CCDC110: variants seen among roughly 807,000 people sequenced by gnomAD.
The protein encoded by CCDC110 is coiled-coil domain containing 110.
In CCDC110, 70 loss-of-function variants were observed where a neutral mutation model predicts 77.1. That is an observed-to-expected ratio of 0.91 (90% CI 0.75 to 1.11). The LOEUF is 1.11. Among genes scored for constraint, CCDC110 ranks in the 50% least tolerant of loss-of-function variants. The probability of loss-of-function intolerance (pLI) is 0.00; values close to 1 mark genes in which losing one functional copy is unlikely to be tolerated. For missense variants in CCDC110, 868 were observed against 942.9 expected, an observed-to-expected ratio of 0.92 and a Z score of 1.04; for synonymous variants, 295 against 312.5, an observed-to-expected ratio of 0.94 and a Z score of 0.59.
chr4:185,465,321 C>G (rs1335345557), intron 2 of CCDC110, among the ~76,000 whole-genome samples: 1 of 151,990 alleles, frequency 6.6e-6, no homozygotes, highest in African/African-American at 2.4e-5. Context: ...TAGCTAAAAC[C>G]AAATAAGAAA....
chr4:185,457,356 A>G (rs547074747), intron 6 of CCDC110: 6 of 455,634 alleles, frequency 1.3e-5, no homozygotes, highest in Admixed American at 7.1e-5. Flanking sequence ...GCATCTTACT[A>G]TCCGTTATAA....
Position 185,458,944 on chromosome 4 carries a change from CT to C in CCDC110, c.1642del (p.Ser548ValfsTer13). ...QMMEALDQLK[S>X]KEHKTQSDMA... Reference sequence around the variant, plus strand: ...ATCACTTTGAGTTTTGTGTTCCTTACTTTTTAGTTGATCTAATGCTTCCATC... The same window carrying C: ...ATCACTTTGAGTTTTGTGTTCCTTACTTTTAGTTGATCTAATGCTTCCATC... On this transcript the variant is annotated frameshift_variant, in exon 6 of 7. Coordinates refer to ENST00000307588, the MANE Select transcript of CCDC110 (RefSeq NM_152775.4). LOFTEE classifies it high-confidence loss of function. 1 of 1,608,042 alleles carries C rather than the reference CT, an allele frequency of 6.2e-7. No individual in the cohort carries two copies.
Position 185,458,751 on chromosome 4 carries a change from C to T in CCDC110, c.1836G>A (p.Glu612=), listed in dbSNP as rs1488606803. Residue 612 remains glutamate, a synonymous_variant, in exon 6 of 7, where the codon GAG becomes GAA. Transcript: ENST00000307588. The part of the protein sequence containing the change: ...LGNELKESQL[E]IIQLKEKERL... Reference sequence around the variant, plus strand: ...TTTCTTTCTCTTTTAGCTGGATTATCTCTAGCTGGCTTTCTTTTAGTTCAT... The same window carrying T: ...TTTCTTTCTCTTTTAGCTGGATTATTTCTAGCTGGCTTTCTTTTAGTTCAT... 1 of 1,610,210 alleles carries T rather than the reference C, an allele frequency of 6.2e-7. No homozygotes were observed. Among genetic ancestry groups the T allele is most frequent in the East Asian group, 2.2e-5 (1 of 44,734 alleles).
At position 185,463,926 on chromosome 4, in the gene CCDC110, A is replaced by G. The variant is rs535752931; in HGVS notation, c.116-877T>C. ...CTTGGCGACTCCGATACTAAGATAC[A>G]GTAGACAGAAGTACTCCAGCTTCTT... On this transcript the variant is annotated intron_variant, in intron 2 of 6. Coordinates refer to ENST00000307588, the MANE Select transcript of CCDC110 (RefSeq NM_152775.4). Among the ~76,000 whole-genome samples the G allele has an allele frequency of 3.2e-4, 48 of 152,268 alleles. 2 individuals carry two copies. In the South Asian group the frequency reaches 9.5e-3, roughly 30 times the overall value.
chr4:185,455,945 A>T (rs1469456641), intron 6 of CCDC110, among the ~76,000 whole-genome samples: 1 of 152,164 alleles, frequency 6.6e-6, no homozygotes, highest in Non-Finnish European at 1.5e-5. Flanking sequence ...ACAAATTTAT[A>T]GAATGAACAA....
chr4:185,463,839 C>T (rs1267536067), intron 2 of CCDC110, among the ~76,000 whole-genome samples: 1 of 152,202 alleles, frequency 6.6e-6, no homozygotes, highest in Admixed American at 6.5e-5. Context: ...GCTGATCTTG[C>T]TCCGTCTCTT....
chr4:185,449,975 T>C (rs1045443405), intron 6 of CCDC110: 1 of 203,156 alleles, frequency 4.9e-6, no homozygotes, highest in African/African-American at 2.3e-5. Flanking sequence ...CGGAAGAGAC[T>C]GCTGGAAGGG....
chr4:185,458,367 A>G lies in CCDC110; in HGVS notation c.2220T>C (p.Thr740=). 6.3e-7 allele frequency: 1 copy of G among 1,590,480 alleles called. No individual in the cohort carries two copies. Among genetic ancestry groups the G allele is most frequent in the Non-Finnish European group, 8.5e-7 (1 of 1,171,888 alleles). ...IKFENSISRL[T]EDKILLENYV... ...AATTTTCTAAAAGTATTTTGTCTTC[A>G]GTAAGTCTACTGATGCTGTTTTCAA... is the stretch of plus-strand genomic sequence containing the variant. The change falls in exon 6 of 7, where the codon ACT becomes ACC. Residue 740 remains threonine (T), a synonymous_variant. Transcript: ENST00000307588.
At chr4:185,457,068 C>G in intron 6 of CCDC110, 1 of 337,450 alleles carries the variant, frequency 3.0e-6, no homozygotes, top group South Asian at 2.4e-5. Flanking sequence ...TACAACATCA[C>G]CCAGTGGAGT....
chr4:185,451,461 A>C (rs2095629119), intron 6 of CCDC110, among the ~76,000 whole-genome samples: 1 of 152,202 alleles, frequency 6.6e-6, no homozygotes, highest in Non-Finnish European at 1.5e-5. Context: ...GATGGTACAG[A>C]TAATTTTTAC....
Position 185,459,076 on chromosome 4 carries a change from C to A in CCDC110, c.1511G>T (p.Cys504Phe). Residue 504 changes from cysteine to phenylalanine, a missense_variant, in exon 6 of 7, where the codon TGT becomes TTT. By Grantham distance (205) the Cys-to-Phe change is radical. Transcript: ENST00000307588. ...AATTATTTTTTTAAATTCTTTAAGA[C>A]ACTCTTTGCTGTATTCTTCTGTTTT... is the stretch of plus-strand genomic sequence containing the variant. ...LSKTEEYSKE[C>F]LKEFKKIISK... 1 of 1,573,622 alleles carries A rather than the reference C, an allele frequency of 6.4e-7. No individual in the cohort carries two copies.
At position 185,460,176 on chromosome 4, in the gene CCDC110, CTTGGAATCCTCA is replaced by C; in HGVS notation, c.399_410del (p.Phe133_Lys137delinsLeu). The C allele has an allele frequency of 6.2e-7, 1 of 1,611,510 alleles. No homozygotes were observed. Among genetic ancestry groups the C allele is most frequent in the Non-Finnish European group, 8.5e-7 (1 of 1,179,780 alleles). ...ATTTTTCTTCCACTGAATGAAGTGT[CTTGGAATCCTCA>C]AAATGATGACTTTTCTCCATAGAAA... On this transcript the variant is annotated inframe_deletion, in exon 6 of 7. Coordinates refer to ENST00000307588, the MANE Select transcript of CCDC110 (RefSeq NM_152775.4).
chr4:185,462,770 G>T, intron 3 of CCDC110, 62 bp from the exon 4 acceptor site: 2 of 1,410,732 alleles, frequency 1.4e-6, no homozygotes, highest in Non-Finnish European at 2.0e-6. Context: ...TTCTTGAATT[G>T]TTATGATTTT....
intron 6 of CCDC110, among the ~76,000 whole-genome samples, chr4:185,455,485 A>G (rs968564975): frequency 6.6e-6 from 1 of 152,234 alleles, no homozygotes; most frequent in African/African-American, 2.4e-5. Flanking sequence ...AATATCAGAG[A>G]CTTTAGAACA....
chr4:185,466,570 G>A (rs2095656559), intron 2 of CCDC110, among the ~76,000 whole-genome samples: 2 of 113,422 alleles, frequency 1.8e-5, no homozygotes, highest in Non-Finnish European at 3.5e-5. Flanking sequence ...AGTCAAGAGG[G>A]ATTTTTTTTC....
At position 185,450,052 on chromosome 4, in the gene CCDC110, C is replaced by T. The variant is rs115727557; in HGVS notation, c.2462-4510G>A. 9.4e-3 allele frequency among the ~76,000 whole-genome samples: 1,426 copies of T among 152,162 alleles called. 13 individuals are homozygous for T. The highest frequency in any genetic ancestry group is 0.017 in the Middle Eastern group (5 of 294). ...TATTGAAAATTGGATTGATAGCTATCCAAGTGTCATAGCCTACTAAAGCAT... is the reference window on the plus strand; with the variant it reads ...TATTGAAAATTGGATTGATAGCTATTCAAGTGTCATAGCCTACTAAAGCAT... On this transcript the variant is annotated intron_variant, in intron 6 of 6. Transcript: ENST00000307588.
At chr4:185,457,096 GGTTA>G (rs2095636986) in intron 6 of CCDC110, 1 of 351,406 alleles carries the variant, frequency 2.8e-6, no homozygotes, top group Non-Finnish European at 5.6e-6. Flanking sequence ...AGGAATTCAA[GGTTA>G]GTGTTTCAAA....
rs544197447 is a variant in CCDC110 at position 185,457,754 on chromosome 4, G to A, written c.2461+372C>T. ...ACTTGGACAAAGGTTTTGAAACATT[G>A]ATTTTAGCAGTTTATTTATATATCT... On this transcript the variant is annotated intron_variant, in intron 6 of 6. Coordinates refer to ENST00000307588, the MANE Select transcript of CCDC110 (RefSeq NM_152775.4). 3.6e-6 allele frequency: 5 copies of A among 1,406,986 alleles called. No individual in the cohort carries two copies. In the South Asian group the frequency reaches 5.8e-5, roughly 16 times the overall value. The allele number at this position is 1,406,986 out of a possible 1,614,324, so 87.2% of individuals were successfully genotyped here.
chr4:185,461,299 G>A, intron 4 of CCDC110, 140 bp from the exon 5 acceptor site: 2 of 500,764 alleles, frequency 4.0e-6, no homozygotes, highest in Non-Finnish European at 7.1e-6. Context: ...GAATATAAAT[G>A]AAAGCTACTT....
Sources: gnomAD v4.1 joint callset for allele counts (sites outside exome capture counted in the v4.1 genomes callset) on GRCh38, gnomAD v4.1.1 for gene constraint, MANE v1.5 for transcripts, NCBI Gene and HGNC (gene_info 2026-07-23, HGNC 2026-07-21) for gene names.